Variants in PSMD11 observed in about 807,000 individuals in gnomAD.
PSMD11 encodes the protein proteasome 26S subunit, non-ATPase 11, also known as 26S proteasome non-ATPase regulatory subunit 11.
Under a neutral mutation model 62.3 loss-of-function variants are expected in PSMD11, and 5 were observed. That is an observed-to-expected ratio of 0.08 (90% CI 0.04 to 0.17). The LOEUF (loss-of-function observed/expected upper bound fraction) is 0.17, where lower values mean the gene tolerates loss of function less well. PSMD11 is among the 10% of genes least tolerant of loss of function. The pLI, the probability that PSMD11 is intolerant of heterozygous loss-of-function variation, is 1.00. For missense variants in PSMD11, 310 were observed against 512.9 expected (o/e 0.60, Z 3.82); for synonymous variants, 191 against 191.8 (o/e 1.00, Z 0.03).
chr17:32,452,108 T>G (rs974124974), intron 2 of PSMD11, among the ~76,000 whole-genome samples: 23 of 152,190 alleles, frequency 1.5e-4, no homozygotes, highest in African/African-American at 5.3e-4. Flanking sequence ...TAAATAAAGT[T>G]TTATTGGAAC....
chr17:32,473,119 T>G (rs1398318546), intron 6 of PSMD11, among the ~76,000 whole-genome samples: 3 of 149,382 alleles, frequency 2.0e-5, no homozygotes, highest in Non-Finnish European at 3.0e-5. Flanking sequence ...GATTGCGCCA[T>G]TGCACTCCAG....
At position 32,454,522 on chromosome 17, in the gene PSMD11, G is replaced by A. The variant is rs1907595690; in HGVS notation, c.221G>A (p.Arg74Gln). ...AELGGLLKYV[R>Q]PFLNSISKAK... is the part of the protein sequence containing the mutation. ...CTTGGAGGACTCCTGAAGTATGTAC[G>A]ACCCTTCTTGAATTCCATCAGCAAG... Residue 74 changes from arginine to glutamine, a missense_variant, in exon 3 of 14, where the codon CGA (arginine) becomes CAA (glutamine). Coordinates refer to ENST00000261712, the MANE Select transcript of PSMD11 (RefSeq NM_002815.4). The A allele has an allele frequency of 3.1e-6, 5 of 1,613,802 alleles. No homozygotes were observed. Among genetic ancestry groups the A allele is most frequent in the East Asian group, 2.2e-5 (1 of 44,880 alleles).
intron 2 of PSMD11, among the ~76,000 whole-genome samples, chr17:32,452,746 A>G (rs1428293526): frequency 6.6e-6 from 1 of 152,214 alleles, no homozygotes; most frequent in Non-Finnish European, 1.5e-5. Context: ...GTTACATATC[A>G]TGGCCAGATC....
intron 12 of PSMD11, 40 bp from the exon 13 acceptor site, chr17:32,480,449 A>C: frequency 1.2e-6 from 2 of 1,613,118 alleles, no homozygotes; most frequent in Non-Finnish European, 1.7e-6. Flanking sequence ...TTTGTGTCTA[A>C]CCTCATCTTT....
intron 8 of PSMD11, among the ~76,000 whole-genome samples, chr17:32,476,514 A>G (rs1158883878): frequency 6.6e-6 from 1 of 152,214 alleles, no homozygotes; most frequent in Non-Finnish European, 1.5e-5. Flanking sequence ...CTACTGTATA[A>G]GACACACTGT....
At chr17:32,479,436 T>G in intron 10 of PSMD11, 60 bp downstream of exon 10, 1 of 1,584,602 alleles carries the variant, frequency 6.3e-7, no homozygotes, top group Non-Finnish European at 8.6e-7. Context: ...CCACCTCCCT[T>G]CCACACCTGT....
At chr17:32,464,395 A>G (rs929300750) in intron 4 of PSMD11, 126 bp from the exon 5 acceptor site, 19 of 802,180 alleles carry the variant, frequency 2.4e-5, no homozygotes, top group Non-Finnish European at 3.2e-5. Context: ...ATCGTCTCTT[A>G]TGCTGAATTT....
Position 32,466,814 on chromosome 17 carries a change from T to C in PSMD11, c.449-2185T>C, listed in dbSNP as rs538083305. Among the ~76,000 whole-genome samples the C allele has an allele frequency of 5.9e-5, 9 of 152,340 alleles. No individual in the cohort carries two copies. In the South Asian group the frequency reaches 1.4e-3, roughly 25 times the overall value. ...TCCATATCCTTACCAACACTTGTTATTTTTTAATTTTAGCCATCCTAAATA... is the reference window on the plus strand; with the variant it reads ...TCCATATCCTTACCAACACTTGTTACTTTTTAATTTTAGCCATCCTAAATA... On this transcript the variant is annotated intron_variant, in intron 5 of 13. Coordinates refer to ENST00000261712, the MANE Select transcript of PSMD11 (RefSeq NM_002815.4).
chr17:32,460,605 C>A (rs1003621483), intron 3 of PSMD11, among the ~76,000 whole-genome samples: 2 of 151,932 alleles, frequency 1.3e-5, no homozygotes, highest in Non-Finnish European at 2.9e-5. Context: ...AACCTTGTCT[C>A]TACTAAAAAT....
At chr17:32,446,260 A>G (rs890326867) in intron 1 of PSMD11, among the ~76,000 whole-genome samples, 3 of 152,252 alleles carry the variant, frequency 2.0e-5, no homozygotes, top group African/African-American at 7.2e-5. Context: ...TGGAGAGGCT[A>G]TTCCATGTTT....
intron 2 of PSMD11, among the ~76,000 whole-genome samples, chr17:32,451,217 A>C (rs1379416406): frequency 6.6e-6 from 1 of 152,210 alleles, no homozygotes; most frequent in Non-Finnish European, 1.5e-5. Flanking sequence ...CTCAGTGCTT[A>C]GAGAAAATAT....
Position 32,480,556 on chromosome 17 carries a change from A to C in PSMD11, c.1194A>C (p.Glu398Asp), listed in dbSNP as rs1908458392. 1 of 1,614,122 alleles carries C rather than the reference A, an allele frequency of 6.2e-7. No homozygotes were observed. Among genetic ancestry groups the C allele is most frequent in the Non-Finnish European group, 8.5e-7 (1 of 1,179,950 alleles). The change falls in exon 13 of 14, where the codon GAA (glutamate) becomes GAC (aspartate). Residue 398 changes from glutamate to aspartate, a missense_variant. Coordinates refer to ENST00000261712, the MANE Select transcript of PSMD11 (RefSeq NM_002815.4). ...AACCCCCAGTAGATAAAACTTACGA[A>C]GCTGCTCTGGAAACAATTCAGAACA... ...FDEPPVDKTYEAALETIQNMS... is the reference protein window; with the variant it reads ...FDEPPVDKTYDAALETIQNMS...
At chr17:32,464,606 A>G (rs1168078657) in intron 5 of PSMD11, 28 bp downstream of exon 5, 6 of 1,556,408 alleles carry the variant, frequency 3.9e-6, no homozygotes, top group Non-Finnish European at 5.3e-6. Context: ...AAGTCATCTC[A>G]GCTAGCTAAA....
chr17:32,467,093 C>T (rs531704178), intron 5 of PSMD11, among the ~76,000 whole-genome samples: 1 of 151,754 alleles, frequency 6.6e-6, no homozygotes, highest in South Asian at 2.1e-4. Context: ...TATGGGCACG[C>T]ACCACCATGC....
intron 12 of PSMD11, 29 bp from the exon 13 acceptor site, chr17:32,480,460 T>C (rs1394925394): frequency 2.0e-5 from 32 of 1,613,834 alleles, no homozygotes; most frequent in Non-Finnish European, 2.7e-5. Flanking sequence ...CCTCATCTTT[T>C]ACCTGGGTTG....
chr17:32,450,421 A>AG (rs1907457371), intron 2 of PSMD11, among the ~76,000 whole-genome samples: 3 of 112,592 alleles, frequency 2.7e-5, no homozygotes, highest in Non-Finnish European at 5.5e-5. Flanking sequence ...ATGCTCGGCT[A>AG]ATTTTTTTTT....
intron 3 of PSMD11, among the ~76,000 whole-genome samples, chr17:32,460,395 T>C (rs971415377): frequency 6.6e-6 from 1 of 152,128 alleles, no homozygotes; most frequent in Non-Finnish European, 1.5e-5. Flanking sequence ...TTAAGACAGC[T>C]AGAATTTTGT....
chr17:32,466,147 C>T (rs1466263297), intron 5 of PSMD11, among the ~76,000 whole-genome samples: 1 of 152,190 alleles, frequency 6.6e-6, no homozygotes, highest in East Asian at 1.9e-4. Context: ...AGGCACCTGT[C>T]ACCATGCCTG....
At chr17:32,447,368 G>GTATTTA (rs962943259) in intron 2 of PSMD11, 1 of 197,862 alleles carries the variant, frequency 5.1e-6, no homozygotes, top group Non-Finnish European at 1.0e-5. Context: ...CAACTCTGAT[G>GTATTTA]TATTTAAGAT....
Sources: allele counts gnomAD v4.1 joint callset (sites outside exome capture counted in the v4.1 genomes callset), GRCh38; gene constraint gnomAD v4.1.1; transcripts MANE v1.5; gene names NCBI Gene and HGNC (gene_info 2026-07-23, HGNC 2026-07-21).